The following SBF2 variants were observed in gnomAD, a reference collection of about 807,000 sequenced individuals.
The protein encoded by SBF2 is SET binding factor 2.
SBF2 carries 112 observed loss-of-function variants against 225.2 expected under a neutral mutation model. The ratio of observed to expected loss-of-function variants is 0.50; its 90% CI spans 0.43 to 0.58. The LOEUF (loss-of-function observed/expected upper bound fraction) is 0.58, where lower values mean the gene tolerates loss of function less well. SBF2 is among the 20% of genes least tolerant of loss of function. SBF2 has a pLI of 0.00. For synonymous variants in SBF2, 763 were observed against 773.3 expected (o/e 0.99, Z 0.22); for missense variants, 1,996 against 2,206.2 (o/e 0.90, Z 1.91).
chr11:10,194,153 T>C (rs1238681371), intron 1 of SBF2, among the ~76,000 whole-genome samples, 166 bp from the exon 2 acceptor site: 1 of 152,238 alleles, frequency 6.6e-6, no homozygotes, highest in Non-Finnish European at 1.5e-5. Context: ...CTAAACATTA[T>C]GCAGTAGGAC....
At chr11:9,887,141 T>C (rs576046763) in intron 17 of SBF2, among the ~76,000 whole-genome samples, 5 of 151,772 alleles carry the variant, frequency 3.3e-5, no homozygotes, top group Admixed American at 1.3e-4. Context: ...TAAAAAAAAA[T>C]TGTCCATCAC....
intron 2 of SBF2, among the ~76,000 whole-genome samples, chr11:10,151,503 T>C (rs16907507): frequency 0.054 from 8,177 of 152,304 alleles, 300 homozygotes; most frequent in Middle Eastern, 0.15. Context: ...TAATTCCTTA[T>C]AGATCGCAAA....
chr11:9,983,013 C>T (rs1007714062), intron 13 of SBF2, among the ~76,000 whole-genome samples: 1 of 152,022 alleles, frequency 6.6e-6, no homozygotes, highest in African/African-American at 2.4e-5. Flanking sequence ...GGTAAAACTC[C>T]ACAGGGAGAA....
chr11:9,785,416 G>A, intron 36 of SBF2, 98 bp from the exon 37 acceptor site: 1 of 975,692 alleles, frequency 1.0e-6, no homozygotes, highest in Non-Finnish European at 1.6e-6. Context: ...GGAAAAAACT[G>A]GACTAATAAG....
At chr11:9,985,729 T>C (rs552703677) in intron 13 of SBF2, among the ~76,000 whole-genome samples, 1 of 152,130 alleles carries the variant, frequency 6.6e-6, no homozygotes, top group Admixed American at 6.5e-5. Context: ...AGCAGGAAAA[T>C]ATCACAATCC....
chr11:9,926,911 T>C (rs932982602), intron 16 of SBF2, among the ~76,000 whole-genome samples: 2 of 152,012 alleles, frequency 1.3e-5, no homozygotes, highest in Non-Finnish European at 2.9e-5. Flanking sequence ...AAATCAATAA[T>C]AGACAACATA....
chr11:10,102,931 T>C (rs886661670), intron 2 of SBF2, among the ~76,000 whole-genome samples: 3 of 152,200 alleles, frequency 2.0e-5, no homozygotes, highest in African/African-American at 7.2e-5. Context: ...AAAGATGCAC[T>C]AATAAAAACA....
chr11:9,784,789 C>CT (rs1852263739), intron 37 of SBF2: 1 of 495,908 alleles, frequency 2.0e-6, no homozygotes, highest in Admixed American at 3.3e-5. Flanking sequence ...GAGTAAATTC[C>CT]TTTTTGCTTC....
At chr11:10,243,364 T>G (rs1490801311) in intron 1 of SBF2, among the ~76,000 whole-genome samples, 1 of 150,812 alleles carries the variant, frequency 6.6e-6, no homozygotes, top group Non-Finnish European at 1.5e-5. Context: ...ATGCCTACAT[T>G]AAAAAAAGAA....
At chr11:9,816,544 T>C (rs1854467173) in intron 29 of SBF2, among the ~76,000 whole-genome samples, 1 of 152,214 alleles carries the variant, frequency 6.6e-6, no homozygotes, top group Admixed American at 6.5e-5. Context: ...GATGAAGCCT[T>C]ATTCCTTTTT....
chr11:9,992,384 A>C, intron 12 of SBF2, 31 bp downstream of exon 12: 1 of 1,589,276 alleles, frequency 6.3e-7, no homozygotes, highest in Non-Finnish European at 8.6e-7. Context: ...TTATGTCTAT[A>C]AATAATGCCT....
intron 3 of SBF2, among the ~76,000 whole-genome samples, chr11:10,042,119 T>A (rs1240864251): frequency 1.3e-5 from 2 of 152,166 alleles, no homozygotes; most frequent in Non-Finnish European, 2.9e-5. Flanking sequence ...GGTTATAATG[T>A]CTGATATATA....
At chr11:9,985,066 C>T (rs138295271) in intron 13 of SBF2, among the ~76,000 whole-genome samples, 172 of 152,242 alleles carry the variant, frequency 1.1e-3, no homozygotes, top group African/African-American at 3.9e-3. Context: ...CCACAGGCAA[C>T]GAAGAGCACG....
At chr11:10,190,615 G>A (rs1957128184) in intron 2 of SBF2, among the ~76,000 whole-genome samples, 1 of 152,158 alleles carries the variant, frequency 6.6e-6, no homozygotes, top group South Asian at 2.1e-4. Context: ...TCCACCAGTT[G>A]TAAGGCTGAA....
At chr11:9,830,672 G>A (rs547752435) in intron 27 of SBF2, among the ~76,000 whole-genome samples, 12 of 151,342 alleles carry the variant, frequency 7.9e-5, no homozygotes, top group African/African-American at 2.2e-4. Flanking sequence ...CCTTGGAGGC[G>A]GAGGTTGCAG....
intron 1 of SBF2, among the ~76,000 whole-genome samples, chr11:10,226,264 T>C (rs1266246105): frequency 3.9e-5 from 6 of 152,210 alleles, no homozygotes; most frequent in African/African-American, 1.2e-4. Flanking sequence ...AACAGCATTA[T>C]ACTATGAAGT....
chr11:10,148,501 T>A (rs1022532932), intron 2 of SBF2, among the ~76,000 whole-genome samples: 11 of 79,998 alleles, frequency 1.4e-4, no homozygotes, highest in African/African-American at 3.7e-4. Flanking sequence ...TAAATACCTA[T>A]TTTTTTTTTA....
chr11:10,223,723 G>C (rs1050089714), intron 1 of SBF2, among the ~76,000 whole-genome samples: 1 of 151,806 alleles, frequency 6.6e-6, no homozygotes, highest in African/African-American at 2.4e-5. Context: ...GAGTCCCATA[G>C]TGTTATTCAA....
chr11:9,781,558 A>G lies in SBF2; in HGVS notation c.5400T>C (p.Ala1800=). 1.2e-6 allele frequency: 2 copies of G among 1,614,246 alleles called. No homozygotes were observed. The highest frequency in any genetic ancestry group is 1.7e-6 in the Non-Finnish European group (2 of 1,180,038). ...DLAEVEMVIP[A]GPSMGAPKHT... ...GCTTTGGGGCTCCCATGCTGGGGCC[A>G]GCAGGGATGACCATTTCTACTTCAG... Residue 1800 remains alanine, a synonymous_variant, in exon 39 of 40, where the codon GCT becomes GCC. Coordinates refer to ENST00000256190, the MANE Select transcript of SBF2 (RefSeq NM_030962.4).
Sources: allele counts gnomAD v4.1 joint callset (sites outside exome capture counted in the v4.1 genomes callset), GRCh38; gene constraint gnomAD v4.1.1; transcripts MANE v1.5; gene names NCBI Gene and HGNC (gene_info 2026-07-23, HGNC 2026-07-21).